Variants in LRRC8A observed in about 807,000 individuals in gnomAD.
LRRC8A encodes leucine rich repeat containing 8 VRAC subunit A, also known as volume-regulated anion channel subunit LRRC8A.
LRRC8A carries 24 observed loss-of-function variants against 52.5 expected under a neutral mutation model. The observed-to-expected ratio is 0.46, with a 90% CI of 0.33 to 0.64. LRRC8A has a LOEUF of 0.64. Among genes scored for constraint, LRRC8A ranks in the 30% least tolerant of loss-of-function variants. LRRC8A has a pLI of 0.02. For missense variants in LRRC8A, 677 were observed against 1,094.7 expected (o/e 0.62, Z 5.38); for synonymous variants, 492 against 494.2 (o/e 1.00, Z 0.06).
In LRRC8A at chr9:128,909,321, G is replaced by C. The variant is rs1840396406; in HGVS notation, c.2157G>C (p.Arg719=). The change falls in exon 3 of 4, where the codon CGG becomes CGC. Residue 719 remains arginine (R), a splice_region_variant and synonymous_variant. Transcript: ENST00000372600. ...NLQNLAITAN[R]IETLPPELFQ... ...AGAACCTAGCCATCACGGCCAACCG[G>C]GTGAGTGGCCCGGCCACAGCTCTGC... 2 of 1,611,824 alleles carry C rather than the reference G, an allele frequency of 1.2e-6. No individual in the cohort carries two copies. Among genetic ancestry groups the C allele is most frequent in the Non-Finnish European group, 1.7e-6 (2 of 1,179,642 alleles).
rs1057093265 is a variant in LRRC8A at position 128,916,487 on chromosome 9, C to A, written c.*116C>A. On this transcript the variant is annotated 3_prime_UTR_variant, in exon 4 of 4. Transcript: ENST00000372600. The surrounding 1 kb of genome is among the most constrained non-coding windows in gnomAD (Gnocchi z 6.1). ...CAGCCAGGACAGCCTCGTGGCTGGG[C>A]AGGAGCCTGGGGCCGCTTGTGAGTC... 1.5e-6 allele frequency: 2 copies of A among 1,343,924 alleles called. No individual in the cohort carries two copies. Among genetic ancestry groups the A allele is most frequent in the East Asian group, 5.0e-5 (2 of 39,700 alleles). The allele number at this position is 1,343,924 out of a possible 1,614,324, so 83.2% of individuals were successfully genotyped here. A position where few individuals can be genotyped will look rare whatever the true frequency, so the allele number is the denominator to read the frequency against.
intron 3 of LRRC8A, chr9:128,912,783 G>C (rs969712908): frequency 6.6e-6 from 1 of 152,436 alleles, no homozygotes; most frequent in Non-Finnish European, 1.5e-5. Flanking sequence ...TTAGCCATCA[G>C]GTGAGGCCAC....
intron 2 of LRRC8A, among the ~76,000 whole-genome samples, chr9:128,893,216 T>TG (rs1051160253): frequency 7.9e-5 from 12 of 151,942 alleles, no homozygotes; most frequent in Admixed American, 6.6e-4. Context: ...CTGCGAGTCC[T>TG]GGGGGGTCCT....
At chr9:128,895,416 G>T (rs1839786163) in intron 2 of LRRC8A, among the ~76,000 whole-genome samples, 1 of 152,202 alleles carries the variant, frequency 6.6e-6, no homozygotes, top group Non-Finnish European at 1.5e-5. Context: ...TGGGGTCACA[G>T]AATTATTTCT....
chr9:128,908,234 G>A lies in LRRC8A; in HGVS notation c.1070G>A (p.Arg357His), dbSNP rs1840339109. 10 of 1,614,104 alleles carry A rather than the reference G, an allele frequency of 6.2e-6. No individual in the cohort carries two copies. Among genetic ancestry groups the A allele is most frequent in the Non-Finnish European group, 7.6e-6 (9 of 1,180,036 alleles). Residue 357 changes from arginine (R) to histidine (H), a missense_variant, in exon 3 of 4, where the codon CGT becomes CAT. By Grantham distance (29) the Arg-to-His change is conservative. This residue lies in a region of LRRC8A where 422 missense variants were observed against 741.5 expected (regional missense o/e 0.57). Transcript: ENST00000372600. ...SLKKYSFESI[R>H]EESSYSDIPD... ...AAGAAGTACTCGTTTGAGTCGATCCGTGAGGAGAGCAGCTACAGCGACATC... is the reference window on the plus strand; with the variant it reads ...AAGAAGTACTCGTTTGAGTCGATCCATGAGGAGAGCAGCTACAGCGACATC...
chr9:128,890,129 T>TG (rs879380586), intron 2 of LRRC8A, among the ~76,000 whole-genome samples: 3,307 of 130,542 alleles, frequency 0.025, 72 homozygotes, highest in Middle Eastern at 0.063. Flanking sequence ...GTGGCTTCAT[T>TG]TTGTGTGTGT....
chr9:128,906,091 C>T (rs1840235666), intron 2 of LRRC8A, among the ~76,000 whole-genome samples: 1 of 152,170 alleles, frequency 6.6e-6, no homozygotes, highest in Non-Finnish European at 1.5e-5. Context: ...CTTTGGTCTT[C>T]CGAGTGTTCC....
chr9:128,907,761 G>T lies in LRRC8A; in HGVS notation c.597G>T (p.Ser199=). The change falls in exon 3 of 4, where the codon TCG becomes TCT. Residue 199 remains serine, a synonymous_variant. Transcript: ENST00000372600. This position sits in a 1 kb window ranked among gnomAD's most constrained non-coding sequence, Gnocchi z 9.3. ...KMNGSMDKKS[S]TVSEDVEATV... ...ATGGGTCCATGGACAAAAAGTCATC[G>T]ACCGTCAGTGAGGACGTGGAGGCCA... 6.2e-7 allele frequency: 1 copy of T among 1,613,680 alleles called. No individual in the cohort carries two copies. The highest frequency in any genetic ancestry group is 1.3e-5 in the African/African-American group (1 of 75,030).
chr9:128,914,409 A>G (rs1840713326), intron 3 of LRRC8A, among the ~76,000 whole-genome samples: 1 of 151,472 alleles, frequency 6.6e-6, no homozygotes, highest in African/African-American at 2.4e-5. Context: ...TTCTAGTCCA[A>G]CCTGTGCCTT....
intron 1 of LRRC8A, among the ~76,000 whole-genome samples, chr9:128,883,496 G>A (rs1839225788): frequency 6.6e-6 from 1 of 152,212 alleles, no homozygotes; most frequent in Non-Finnish European, 1.5e-5. Flanking sequence ...CTTCCATGAA[G>A]GTCAAGTCTT....
chr9:128,889,519 G>A (rs1194592960), intron 2 of LRRC8A, among the ~76,000 whole-genome samples: 2 of 150,558 alleles, frequency 1.3e-5, no homozygotes, highest in Non-Finnish European at 3.0e-5. Context: ...ATTTTGAGAT[G>A]GAGTGTTGCT....
At chr9:128,914,210 G>T (rs1050012017) in intron 3 of LRRC8A, among the ~76,000 whole-genome samples, 5 of 39,592 alleles carry the variant, frequency 1.3e-4, no homozygotes, top group African/African-American at 5.6e-4. Flanking sequence ...CCCCGCCCCC[G>T]CCCCCCAAAA....
Position 128,908,673 on chromosome 9 carries a change from C to A in LRRC8A, c.1509C>A (p.Thr503=), listed in dbSNP as rs3750318. 2 of 1,612,844 alleles carry A rather than the reference C, an allele frequency of 1.2e-6. No individual in the cohort carries two copies. The highest frequency in any genetic ancestry group is 2.2e-5 in the South Asian group (2 of 91,066). ...ENLRALHIKF[T]DIKEIPLWIY... ...TGCGGGCGCTGCACATCAAGTTCACCGACATCAAGGAGATCCCGCTGTGGA... is the reference window on the plus strand; with the variant it reads ...TGCGGGCGCTGCACATCAAGTTCACAGACATCAAGGAGATCCCGCTGTGGA... The change falls in exon 3 of 4, where the codon ACC becomes ACA. Residue 503 remains threonine, a synonymous_variant. Coordinates refer to ENST00000372600, the MANE Select transcript of LRRC8A (RefSeq NM_019594.4).
chr9:128,887,354 G>A (rs1839435703), intron 2 of LRRC8A, among the ~76,000 whole-genome samples: 1 of 151,980 alleles, frequency 6.6e-6, no homozygotes, highest in African/African-American at 2.4e-5. Context: ...TATGGAGATA[G>A]AGCCTCTCTA....
rs982040302 is a variant in LRRC8A at position 128,911,086 on chromosome 9, G to T, written c.2157+1765G>T. ...GAGGGAGGTGGCCCCTGGAATGCCC[G>T]GTCTGTCTATAGTATCCTCAGGCAC... On this transcript the variant is annotated intron_variant, in intron 3 of 3. Coordinates refer to ENST00000372600, the MANE Select transcript of LRRC8A (RefSeq NM_019594.4). This position sits in a 1 kb window ranked among gnomAD's most constrained non-coding sequence, Gnocchi z 4.9. Among the ~76,000 whole-genome samples the T allele has an allele frequency of 2.0e-5, 3 of 151,732 alleles. No individual in the cohort carries two copies. The highest frequency in any genetic ancestry group is 4.4e-5 in the Non-Finnish European group (3 of 67,910).
intron 3 of LRRC8A, among the ~76,000 whole-genome samples, chr9:128,915,826 G>T (rs1233930585): frequency 6.6e-6 from 1 of 152,144 alleles, no homozygotes; most frequent in Non-Finnish European, 1.5e-5. Context: ...ACATCAAGGG[G>T]GTAACAGATG....
chr9:128,914,253 A>G (rs563516102), intron 3 of LRRC8A, among the ~76,000 whole-genome samples: 1 of 134,400 alleles, frequency 7.4e-6, no homozygotes, highest in Admixed American at 8.8e-5. Flanking sequence ...GGCCTTGGCC[A>G]TGCTTATCTC....
intron 2 of LRRC8A, among the ~76,000 whole-genome samples, chr9:128,888,616 G>T (rs74781756): frequency 6.6e-6 from 1 of 152,144 alleles, no homozygotes; most frequent in Non-Finnish European, 1.5e-5. Flanking sequence ...CTCTTTTGGG[G>T]TATAGCTGAC....
chr9:128,912,507 G>GT (rs1375452803), intron 3 of LRRC8A, among the ~76,000 whole-genome samples: 8 of 145,182 alleles, frequency 5.5e-5, no homozygotes, highest in African/African-American at 7.5e-5. Flanking sequence ...GGGGCTATGG[G>GT]GGGGGGTGTG....
Sources: gnomAD v4.1 joint callset for allele counts (sites outside exome capture counted in the v4.1 genomes callset) on GRCh38, gnomAD v4.1.1 for gene constraint, gnomAD v4.1.1 regional missense constraint, Gnocchi (gnomAD v3.1) non-coding constraint, MANE v1.5 for transcripts, NCBI Gene and HGNC (gene_info 2026-07-23, HGNC 2026-07-21) for gene names.